Variants in CARNMT1 observed in about 807,000 individuals in gnomAD.
CARNMT1 encodes the protein protein-L-histidine N-pros-methyltransferase CARNMT1.
In CARNMT1, 28 loss-of-function variants were observed where a neutral mutation model predicts 49.6. That is an observed-to-expected ratio of 0.56 (90% CI 0.42 to 0.77). CARNMT1 has a LOEUF of 0.77. CARNMT1 is among the 30% of genes least tolerant of loss of function. The probability of loss-of-function intolerance (pLI) is 0.00; values close to 1 mark genes in which losing one functional copy is unlikely to be tolerated. For synonymous variants in CARNMT1, 178 were observed against 175.0 expected, an observed-to-expected ratio of 1.02 and a Z score of -0.13; for missense variants, 421 against 512.6, an observed-to-expected ratio of 0.82 and a Z score of 1.73.
chr9:75,016,918 G>GA, intron 2 of CARNMT1: 1 of 368,952 alleles, frequency 2.7e-6, no homozygotes, highest in Non-Finnish European at 4.8e-6. Flanking sequence ...ACAAGACACT[G>GA]AAAAAATATG....
chr9:75,015,557 AGG>A lies in CARNMT1; in HGVS notation c.590+709_590+710del, dbSNP rs556074811. On this transcript the variant is annotated intron_variant, in intron 3 of 7. Transcript: ENST00000376834. The stretch of plus-strand genomic sequence containing the variant: ...TCCCAGCACTTTGGGAGGAAGACAC[AGG>A]CGGATCACTTGAGGTCAGGAGTTCG... 7.1e-3 allele frequency among the ~76,000 whole-genome samples: 1,077 copies of A among 152,098 alleles called. 7 individuals carry two copies. Among genetic ancestry groups the A allele is most frequent in the Non-Finnish European group, 0.011 (773 of 67,980 alleles).
At position 74,998,697 on chromosome 9, in the gene CARNMT1, G is replaced by A. The variant is rs190060534; in HGVS notation, c.811C>T (p.Arg271Ter). The A allele has an allele frequency of 3.7e-6, 6 of 1,607,668 alleles. No homozygotes were observed. Among genetic ancestry groups the A allele is most frequent in the Non-Finnish European group, 4.2e-6 (5 of 1,176,510 alleles). The stretch of plus-strand genomic sequence containing the variant: ...TCAACATCAGGGAAAAAGATGGGTC[G>A]AATCTGATCAGCTGATCTCCGGTTA... Reference protein sequence around the residue: ...SNNRRSADQIRPIFFPDVDPH... With the variant: ...SNNRRSADQI Residue 271 changes from arginine to a stop codon, truncating the protein, a stop_gained, in exon 5 of 8, where the codon CGA becomes TGA. Transcript: ENST00000376834. LOFTEE classifies it high-confidence loss of function.
intron 6 of CARNMT1, among the ~76,000 whole-genome samples, chr9:74,986,647 T>G (rs757519772): frequency 6.6e-6 from 1 of 152,216 alleles, no homozygotes; most frequent in Non-Finnish European, 1.5e-5. Context: ...GATTTTTACA[T>G]ACTTAGACCA....
intron 3 of CARNMT1, among the ~76,000 whole-genome samples, chr9:75,005,147 A>G (rs1833464514): frequency 6.6e-6 from 1 of 152,206 alleles, no homozygotes; most frequent in Non-Finnish European, 1.5e-5. Flanking sequence ...ACGTGAGAAA[A>G]AGGTTTAAAC....
At chr9:75,020,970 C>G (rs1822330651) in intron 1 of CARNMT1, among the ~76,000 whole-genome samples, 1 of 152,020 alleles carries the variant, frequency 6.6e-6, no homozygotes, top group Non-Finnish European at 1.5e-5. Context: ...TATACAGAAG[C>G]AAGATAAGAA....
intron 6 of CARNMT1, among the ~76,000 whole-genome samples, chr9:74,989,188 T>C (rs1832943794): frequency 6.6e-6 from 1 of 152,194 alleles, no homozygotes; most frequent in Non-Finnish European, 1.5e-5. Context: ...CATAGTTCAC[T>C]GCAGCCTTGA....
In CARNMT1 at chr9:74,983,270, A is replaced by G. The variant is rs906630734; in HGVS notation, c.*497T>C. 9.9e-5 allele frequency: 15 copies of G among 151,418 alleles called. No homozygotes were observed. Among genetic ancestry groups the G allele is most frequent in the African/African-American group, 2.7e-4 (11 of 41,312 alleles). 9.4% of individuals were successfully genotyped at this position (151,418 alleles called of 1,614,324 possible). On this transcript the variant is annotated 3_prime_UTR_variant, in exon 8 of 8. Coordinates refer to ENST00000376834, the MANE Select transcript of CARNMT1 (RefSeq NM_152420.3). The stretch of plus-strand genomic sequence containing the variant: ...TCTGAAGAAAAAAAAAAAAAAAGAC[A>G]TATTTTACGCATAGTTTTCTTAGAT...
chr9:75,007,461 G>A (rs1833544001), intron 3 of CARNMT1, among the ~76,000 whole-genome samples: 1 of 152,074 alleles, frequency 6.6e-6, no homozygotes, highest in Admixed American at 6.6e-5. Context: ...GGGCGTGGTG[G>A]CTCACACCTG....
At chr9:75,013,628 T>TAC (rs1479458085) in intron 3 of CARNMT1, among the ~76,000 whole-genome samples, 2 of 151,644 alleles carry the variant, frequency 1.3e-5, no homozygotes, top group Non-Finnish European at 1.5e-5. Context: ...ATTTCCAGGA[T>TAC]ACACTAAGTG....
Position 75,028,182 on chromosome 9 carries a change from TC to T in CARNMT1, c.59del (p.Gly20GlufsTer65). ...CCACCTCCTCGCTGCCACCGCCTCC[TC>T]CCCCGCAGCCCTCGGGCAGCCGGGA... ...PTSRLPEGCG[G>X]GGGGSEEVEV... is the part of the protein sequence containing the mutation. On this transcript the variant is annotated frameshift_variant, in exon 1 of 8. Transcript: ENST00000376834. LOFTEE classifies it high-confidence loss of function. 6.6e-7 allele frequency: 1 copy of T among 1,512,272 alleles called. No homozygotes were observed. The highest frequency in any genetic ancestry group is 2.1e-5 in the Admixed American group (1 of 46,786). The allele number at this position is 1,512,272 out of a possible 1,614,324, so 93.7% of individuals were successfully genotyped here. A position where few individuals can be genotyped will look rare whatever the true frequency, so the allele number is the denominator to read the frequency against.
chr9:75,015,738 A>C (rs1587297545), intron 3 of CARNMT1: 4 of 151,458 alleles, frequency 2.6e-5, no homozygotes, highest in African/African-American at 9.7e-5. Context: ...GTGAACCAAG[A>C]CCACACCACT....
intron 6 of CARNMT1, among the ~76,000 whole-genome samples, chr9:74,993,552 G>A (rs1317637569): frequency 6.6e-6 from 1 of 152,110 alleles, no homozygotes; most frequent in Non-Finnish European, 1.5e-5. Flanking sequence ...GCGTCCTTAA[G>A]GAAATTACTA....
intron 3 of CARNMT1, among the ~76,000 whole-genome samples, chr9:75,003,802 G>GAAAT (rs1238392133): frequency 6.6e-6 from 1 of 152,252 alleles, no homozygotes; most frequent in East Asian, 1.9e-4. Flanking sequence ...TTCACATGCA[G>GAAAT]AAATATATAT....
At chr9:75,027,502 AAG>A in intron 1 of CARNMT1, 7 of 984,432 alleles carry the variant, frequency 7.1e-6, no homozygotes, top group Non-Finnish European at 8.4e-6. Context: ...CACAGCGCCA[AAG>A]AGGGGTGGGT....
chr9:74,987,594 C>A (rs1832882510), intron 6 of CARNMT1, among the ~76,000 whole-genome samples: 1 of 151,960 alleles, frequency 6.6e-6, no homozygotes, highest in African/African-American at 2.4e-5. Context: ...GTAACAGAAT[C>A]CAAAGTAGTG....
intron 6 of CARNMT1, among the ~76,000 whole-genome samples, chr9:74,986,446 T>C (rs1001676626): frequency 1.3e-5 from 2 of 152,212 alleles, no homozygotes; most frequent in Non-Finnish European, 2.9e-5. Flanking sequence ...GTTATATTAG[T>C]ACCAGTAAAA....
intron 3 of CARNMT1, among the ~76,000 whole-genome samples, chr9:75,011,737 T>G (rs1264655880): frequency 6.6e-6 from 1 of 152,150 alleles, no homozygotes; most frequent in Non-Finnish European, 1.5e-5. Flanking sequence ...GCTGGCTTGA[T>G]GAAGTGGTCC....
intron 6 of CARNMT1, among the ~76,000 whole-genome samples, chr9:74,988,399 A>G (rs1832913967): frequency 6.6e-6 from 1 of 152,206 alleles, no homozygotes. Context: ...TCTTTCCTTG[A>G]TGTACAGTAT....
At chr9:75,003,500 C>T (rs1833421880) in intron 3 of CARNMT1, among the ~76,000 whole-genome samples, 1 of 152,230 alleles carries the variant, frequency 6.6e-6, no homozygotes, top group Non-Finnish European at 1.5e-5. Flanking sequence ...TCAACAGAGA[C>T]GACATTGCCG....
Sources: allele counts gnomAD v4.1 joint callset (sites outside exome capture counted in the v4.1 genomes callset), GRCh38; gene constraint gnomAD v4.1.1; transcripts MANE v1.5; gene names NCBI Gene and HGNC (gene_info 2026-07-23, HGNC 2026-07-21).